Variants in WDR72 observed in about 807,000 individuals in gnomAD.
The protein encoded by WDR72 is WD repeat-containing protein 72.
A neutral mutation model predicts 124.2 loss-of-function variants in WDR72; 120 were observed. The ratio of observed to expected loss-of-function variants is 0.97; its 90% CI spans 0.83 to 1.12. WDR72 has a LOEUF of 1.12. Among genes scored for constraint, WDR72 ranks in the 50% most tolerant of loss-of-function variants. WDR72 has a pLI of 0.00. For missense variants in WDR72, 1,387 were observed against 1,278.8 expected, an observed-to-expected ratio of 1.08 and a Z score of -1.29; for synonymous variants, 452 against 441.7, an observed-to-expected ratio of 1.02 and a Z score of -0.29.
At chr15:53,696,203 A>G (rs1209281528) in intron 13 of WDR72, among the ~76,000 whole-genome samples, 1 of 152,190 alleles carries the variant, frequency 6.6e-6, no homozygotes, top group African/African-American at 2.4e-5. Flanking sequence ...AAATGAAAGT[A>G]GGAATAGGTC....
At chr15:53,539,319 C>T (rs75618452) in intron 18 of WDR72, among the ~76,000 whole-genome samples, 2,240 of 152,078 alleles carry the variant, frequency 0.015, 60 homozygotes, top group African/African-American at 0.051. Flanking sequence ...ATACATTTAC[C>T]TGTAGAACTA....
chr15:53,574,399 T>C (rs1296949437), intron 18 of WDR72, among the ~76,000 whole-genome samples: 1 of 152,162 alleles, frequency 6.6e-6, no homozygotes, highest in East Asian at 1.9e-4. Context: ...TGACAGGCAT[T>C]GACCTAGGTA....
chr15:53,650,102 T>G (rs1192807422), intron 14 of WDR72, among the ~76,000 whole-genome samples: 1 of 99,592 alleles, frequency 1.0e-5, no homozygotes, highest in African/African-American at 4.1e-5. Context: ...GGAATAACAT[T>G]TAGCCTTTCA....
intron 16 of WDR72, 31 bp from the exon 17 acceptor site, chr15:53,609,623 T>C: frequency 1.3e-6 from 2 of 1,577,690 alleles, no homozygotes; most frequent in South Asian, 1.1e-5. Flanking sequence ...CTTGTATCTT[T>C]AGAGTATTAA....
In WDR72 at chr15:53,671,704, G is replaced by A. The variant is rs149970755; in HGVS notation, c.1766-5936C>T. Among the ~76,000 whole-genome samples the A allele has an allele frequency of 3.9e-3, 596 of 152,276 alleles. 6 individuals carry two copies. The highest frequency in any genetic ancestry group is 0.014 in the African/African-American group (567 of 41,562). ...GAAAAGTGCCATTCACAAGCCTGAG[G>A]CCTGTCCCAGCTTTCAGCAATGTTG... is the stretch of plus-strand genomic sequence containing the variant. On this transcript the variant is annotated intron_variant, in intron 13 of 19. Transcript: ENST00000360509.
chr15:53,704,035 T>C (rs953553435), intron 11 of WDR72, among the ~76,000 whole-genome samples: 2 of 152,190 alleles, frequency 1.3e-5, no homozygotes, highest in Non-Finnish European at 1.5e-5. Flanking sequence ...CTTTGGTTCA[T>C]TGCCATTTAC....
chr15:53,550,414 G>A (rs1384922099), intron 18 of WDR72, among the ~76,000 whole-genome samples: 1 of 152,168 alleles, frequency 6.6e-6, no homozygotes, highest in East Asian at 1.9e-4. Flanking sequence ...TTTCTGGTTA[G>A]TGCATCAAGC....
intron 18 of WDR72, among the ~76,000 whole-genome samples, chr15:53,586,263 A>G (rs1360004314): frequency 1.3e-5 from 2 of 152,072 alleles, no homozygotes; most frequent in Non-Finnish European, 2.9e-5. Context: ...CATGTATGTG[A>G]AAGTGAAAGG....
chr15:53,705,103 C>T lies in WDR72; in HGVS notation c.1233G>A (p.Glu411=), dbSNP rs770112804. 1 of 1,614,000 alleles carries T rather than the reference C, an allele frequency of 6.2e-7. No homozygotes were observed. Among genetic ancestry groups the T allele is most frequent in the South Asian group, 1.1e-5 (1 of 91,088 alleles). ...GAGTAVVTSS[E]YIPSLDKLIC... is the part of the protein sequence containing the mutation. Reference sequence around the variant, plus strand: ...TTAGTTTATCAAGACTTGGAATATACTCTGATGAAGTGACTACAGCAGTTC... The same window carrying T: ...TTAGTTTATCAAGACTTGGAATATATTCTGATGAAGTGACTACAGCAGTTC... Residue 411 remains glutamate, a synonymous_variant, in exon 11 of 20, where the codon GAG becomes GAA. Transcript: ENST00000360509.
chr15:53,523,342 G>A lies in WDR72; in HGVS notation c.3149-20C>T, dbSNP rs1480291352. The stretch of plus-strand genomic sequence containing the variant: ...CTGGAGCTATTAAAAGAGAGAGAGA[G>A]AGAGAGAGAGACAGAAGAGAGAGGA... On this transcript the variant is annotated intron_variant, in intron 18 of 19. Coordinates refer to ENST00000360509, the MANE Select transcript of WDR72 (RefSeq NM_182758.4). The A allele has an allele frequency of 6.2e-7, 1 of 1,607,498 alleles. No homozygotes were observed.
At chr15:53,648,546 T>A (rs551856954) in intron 14 of WDR72, among the ~76,000 whole-genome samples, 40 of 152,158 alleles carry the variant, frequency 2.6e-4, no homozygotes, top group Non-Finnish European at 5.6e-4. Context: ...TAGCCAGAAC[T>A]GGCTCACCAT....
chr15:53,589,654 T>C (rs1290064432), intron 18 of WDR72, among the ~76,000 whole-genome samples: 1 of 152,000 alleles, frequency 6.6e-6, no homozygotes, highest in Admixed American at 6.6e-5. Flanking sequence ...CAGACAATCA[T>C]AGATAAAGTG....
rs571747772 is a variant in WDR72 at position 53,534,793 on chromosome 15, AT to A, written c.3149-11472del. Among the ~76,000 whole-genome samples the A allele has an allele frequency of 2.0e-3, 305 of 152,254 alleles. 1 individual carries two copies. The highest frequency in any genetic ancestry group is 2.3e-3 in the Non-Finnish European group (159 of 68,018). ...GTAACCAGAAGTAGAAAATAAATTA[AT>A]TTTGTTGAATATTTAAATAATTGTT... On this transcript the variant is annotated intron_variant, in intron 18 of 19. Transcript: ENST00000360509.
intron 12 of WDR72, among the ~76,000 whole-genome samples, chr15:53,701,702 C>T (rs2017185275): frequency 6.6e-6 from 1 of 151,950 alleles, no homozygotes; most frequent in South Asian, 2.1e-4. Context: ...CAGCTCATTG[C>T]AAAATGGAAG....
At chr15:53,570,850 T>C (rs181503184) in intron 18 of WDR72, among the ~76,000 whole-genome samples, 7 of 152,168 alleles carry the variant, frequency 4.6e-5, no homozygotes, top group East Asian at 3.9e-4. Context: ...CAATGGTGAA[T>C]TGGATAAAGA....
chr15:53,741,486 T>C (rs1419123376), intron 1 of WDR72, among the ~76,000 whole-genome samples: 1 of 152,226 alleles, frequency 6.6e-6, no homozygotes, highest in Non-Finnish European at 1.5e-5. Context: ...ACATTGTAAA[T>C]ACCGTAATTA....
At chr15:53,673,945 C>G (rs1225871223) in intron 13 of WDR72, among the ~76,000 whole-genome samples, 1 of 151,842 alleles carries the variant, frequency 6.6e-6, no homozygotes, top group Non-Finnish European at 1.5e-5. Flanking sequence ...GACCTGAGAT[C>G]GCGCCATTGC....
intron 13 of WDR72, among the ~76,000 whole-genome samples, chr15:53,682,067 T>C (rs1278428380): frequency 6.6e-6 from 1 of 152,184 alleles, no homozygotes; most frequent in Non-Finnish European, 1.5e-5. Context: ...GCCTGTTTTG[T>C]TGACAGCCTT....
chr15:53,695,585 C>T (rs1321239893), intron 13 of WDR72, among the ~76,000 whole-genome samples: 1 of 152,140 alleles, frequency 6.6e-6, no homozygotes, highest in African/African-American at 2.4e-5. Context: ...AAACTAGATG[C>T]CCTCATCACT....
Sources: gnomAD v4.1 joint callset for allele counts (sites outside exome capture counted in the v4.1 genomes callset) on GRCh38, gnomAD v4.1.1 for gene constraint, MANE v1.5 for transcripts, NCBI Gene and HGNC (gene_info 2026-07-23, HGNC 2026-07-21) for gene names.